Variants in ODAD2 observed in about 807,000 individuals in gnomAD.
ODAD2 encodes the protein outer dynein arm-docking complex subunit 2.
Under a neutral mutation model 106.8 loss-of-function variants are expected in ODAD2, and 89 were observed. The observed-to-expected ratio is 0.83, with a 90% CI of 0.70 to 0.99. The LOEUF is 0.99. Ranked by LOEUF, ODAD2 falls within the 50% of genes least tolerant of loss-of-function variation. The probability of loss-of-function intolerance (pLI) is 0.00; values close to 1 mark genes in which losing one functional copy is unlikely to be tolerated. For synonymous variants in ODAD2, 404 were observed against 436.2 expected, an observed-to-expected ratio of 0.93 and a Z score of 0.92; for missense variants, 1,168 against 1,238.5, an observed-to-expected ratio of 0.94 and a Z score of 0.85.
intron 17 of ODAD2, among the ~76,000 whole-genome samples, chr10:27,865,354 C>A (rs1267078482): frequency 1.3e-5 from 2 of 152,192 alleles, no homozygotes; most frequent in African/African-American, 4.8e-5. Context: ...ATGAATTAGT[C>A]CTTCAGTTTT....
intron 17 of ODAD2, among the ~76,000 whole-genome samples, chr10:27,885,868 A>T (rs1339459719): frequency 3.6e-5 from 4 of 111,756 alleles, no homozygotes; most frequent in African/African-American, 1.0e-4. Flanking sequence ...TATATATAAA[A>T]ATATATATTT....
intron 10 of ODAD2, among the ~76,000 whole-genome samples, chr10:27,950,783 A>T (rs927618322): frequency 2.0e-5 from 3 of 152,118 alleles, no homozygotes; most frequent in African/African-American, 7.2e-5. Context: ...GCCATGGAAC[A>T]TTTACAGGAA....
At chr10:27,816,022 G>A (rs967757449) in intron 19 of ODAD2, among the ~76,000 whole-genome samples, 1 of 152,100 alleles carries the variant, frequency 6.6e-6, no homozygotes, top group Non-Finnish European at 1.5e-5. Context: ...AGTTGTTCAA[G>A]ACGGAAATCT....
At chr10:27,961,942 T>G (rs1176161580) in intron 9 of ODAD2, among the ~76,000 whole-genome samples, 1 of 152,188 alleles carries the variant, frequency 6.6e-6, no homozygotes, top group African/African-American at 2.4e-5. Flanking sequence ...GGTGCATGCC[T>G]GTAATTTCAG....
intron 17 of ODAD2, among the ~76,000 whole-genome samples, chr10:27,879,276 TTA>T: frequency 6.6e-6 from 1 of 152,218 alleles, no homozygotes; most frequent in Non-Finnish European, 1.5e-5. Context: ...GCTTACAGAG[TTA>T]ATTACATGAC....
At chr10:27,906,872 G>A (rs1359211045) in intron 17 of ODAD2, among the ~76,000 whole-genome samples, 1 of 152,110 alleles carries the variant, frequency 6.6e-6, no homozygotes, top group African/African-American at 2.4e-5. Flanking sequence ...AGGGGGTGCG[G>A]GACTAGGGGA....
intron 9 of ODAD2, among the ~76,000 whole-genome samples, chr10:27,968,083 A>G (rs1043125674): frequency 3.3e-5 from 5 of 151,774 alleles, no homozygotes; most frequent in African/African-American, 1.2e-4. Flanking sequence ...GAAAGGCACC[A>G]TCATAACAAT....
chr10:27,932,000 C>G (rs73606008), intron 16 of ODAD2, among the ~76,000 whole-genome samples: 24,356 of 151,838 alleles, frequency 0.16, 2,968 homozygotes, highest in African/African-American at 0.34. Flanking sequence ...TAAATACACT[C>G]AGAACATTAC....
chr10:27,833,757 G>T (rs1837654827), intron 19 of ODAD2, among the ~76,000 whole-genome samples: 2 of 152,172 alleles, frequency 1.3e-5, no homozygotes, highest in Non-Finnish European at 2.9e-5. Context: ...GACTTCCATA[G>T]GGGTCTTGCA....
chr10:27,965,245 G>C (rs1326423606), intron 9 of ODAD2, among the ~76,000 whole-genome samples: 1 of 152,206 alleles, frequency 6.6e-6, no homozygotes, highest in Non-Finnish European at 1.5e-5. Context: ...AATCTGAAGA[G>C]TAAGGTAGTT....
At chr10:27,974,590 T>C (rs1849067558) in intron 7 of ODAD2, among the ~76,000 whole-genome samples, 1 of 152,094 alleles carries the variant, frequency 6.6e-6, no homozygotes. Context: ...GGTCTATGTG[T>C]CTTCTTTATA....
chr10:27,915,933 A>G (rs114430936), intron 16 of ODAD2, among the ~76,000 whole-genome samples: 12 of 152,176 alleles, frequency 7.9e-5, no homozygotes, highest in African/African-American at 2.9e-4. Flanking sequence ...AGGTGAGCCA[A>G]CAAGGTTGTT....
chr10:27,913,062 C>G (rs1844118227), intron 16 of ODAD2, among the ~76,000 whole-genome samples: 1 of 152,046 alleles, frequency 6.6e-6, no homozygotes. Context: ...TTGGTATAAA[C>G]AATATGATTA....
At chr10:27,961,437 A>G in intron 10 of ODAD2, 131 bp downstream of exon 10, 1 of 916,960 alleles carries the variant, frequency 1.1e-6, no homozygotes, top group Non-Finnish European at 1.7e-6. Context: ...GCACAAACTT[A>G]GATAAAACAA....
chr10:27,918,601 G>A (rs1844556715), intron 16 of ODAD2, among the ~76,000 whole-genome samples: 3 of 151,772 alleles, frequency 2.0e-5, no homozygotes, highest in Non-Finnish European at 2.9e-5. Context: ...CACACTTAAT[G>A]GTGAAAAATT....
chr10:27,819,218 A>C (rs1248524636), intron 19 of ODAD2, among the ~76,000 whole-genome samples: 1 of 152,078 alleles, frequency 6.6e-6, no homozygotes, highest in Non-Finnish European at 1.5e-5. Context: ...GGGAATTTAC[A>C]CTGGCAAGGG....
intron 16 of ODAD2, among the ~76,000 whole-genome samples, chr10:27,924,825 T>TA (rs1202290182): frequency 6.6e-6 from 1 of 151,344 alleles, no homozygotes; most frequent in African/African-American, 2.4e-5. Flanking sequence ...CTCAGTAGAA[T>TA]AAAAAACATA....
At chr10:27,916,385 A>C (rs1844379208) in intron 16 of ODAD2, among the ~76,000 whole-genome samples, 1 of 152,108 alleles carries the variant, frequency 6.6e-6, no homozygotes, top group Admixed American at 6.6e-5. Flanking sequence ...ATGATTATGA[A>C]AGCTTGGTTA....
At chr10:27,835,097 G>GGCAGA (rs1286713698) in intron 19 of ODAD2, among the ~76,000 whole-genome samples, 7 of 152,248 alleles carry the variant, frequency 4.6e-5, no homozygotes, top group Admixed American at 3.9e-4. Flanking sequence ...GGCAGGGCAG[G>GGCAGA]GCAGAGAACA....
Sources: allele counts gnomAD v4.1 joint callset (sites outside exome capture counted in the v4.1 genomes callset), GRCh38; gene constraint gnomAD v4.1.1; transcripts MANE v1.5; gene names NCBI Gene and HGNC (gene_info 2026-07-23, HGNC 2026-07-21).